Variants in CRTAC1 observed in about 807,000 individuals in gnomAD.
CRTAC1 encodes the protein cartilage acidic protein 1.
In CRTAC1, 37 loss-of-function variants were observed where a neutral mutation model predicts 67.8. That is an observed-to-expected ratio of 0.55 (90% CI 0.42 to 0.72). The LOEUF is 0.72. Among genes scored for constraint, CRTAC1 ranks in the 30% least tolerant of loss-of-function variants. CRTAC1 has a pLI of 0.00. For synonymous variants in CRTAC1, 348 were observed against 371.0 expected (o/e 0.94, Z 0.71); for missense variants, 780 against 931.6 (o/e 0.84, Z 2.12).
intron 3 of CRTAC1, among the ~76,000 whole-genome samples, chr10:97,934,245 T>C (rs767415895): frequency 1.4e-4 from 22 of 152,256 alleles, no homozygotes; most frequent in Non-Finnish European, 2.2e-4. Flanking sequence ...GTTAAAGAGT[T>C]GATCAGCCCA....
At chr10:97,878,109 C>G (rs2050167814) in intron 14 of CRTAC1, among the ~76,000 whole-genome samples, 1 of 152,214 alleles carries the variant, frequency 6.6e-6, no homozygotes, top group Admixed American at 6.5e-5. Context: ...GCCTGTTACC[C>G]TCTGACAAGA....
At chr10:97,987,015 G>C (rs2051993108) in intron 2 of CRTAC1, among the ~76,000 whole-genome samples, 2 of 152,098 alleles carry the variant, frequency 1.3e-5, no homozygotes, top group South Asian at 4.2e-4. Context: ...GAGAGGGCTG[G>C]GTCACTTCCA....
At chr10:97,874,150 C>A (rs144590494) in intron 14 of CRTAC1, among the ~76,000 whole-genome samples, 2 of 152,178 alleles carry the variant, frequency 1.3e-5, no homozygotes, top group East Asian at 3.8e-4. Flanking sequence ...AAGGACCAGA[C>A]GGGGGTGCAG....
chr10:98,008,366 C>T (rs572691501), intron 2 of CRTAC1, among the ~76,000 whole-genome samples: 283 of 151,328 alleles, frequency 1.9e-3, no homozygotes, highest in Non-Finnish European at 2.3e-3. Flanking sequence ...CTTGGCCCTT[C>T]GCACCCTTTC....
chr10:97,900,198 G>A (rs1046194142), intron 8 of CRTAC1, among the ~76,000 whole-genome samples: 9 of 152,194 alleles, frequency 5.9e-5, no homozygotes, highest in African/African-American at 2.2e-4. Context: ...ACACTGCTCA[G>A]AGGCCTGCAC....
chr10:97,950,672 G>C (rs771652640), intron 2 of CRTAC1, among the ~76,000 whole-genome samples: 1 of 152,228 alleles, frequency 6.6e-6, no homozygotes, highest in South Asian at 2.1e-4. Flanking sequence ...GTGAGCTCTT[G>C]CTGGTCACCG....
At chr10:98,024,833 G>A (rs1192295930) in intron 1 of CRTAC1, among the ~76,000 whole-genome samples, 1 of 137,608 alleles carries the variant, frequency 7.3e-6, no homozygotes. Context: ...TCATAGAGAG[G>A]CATGGGGGTG....
intron 2 of CRTAC1, among the ~76,000 whole-genome samples, chr10:98,005,100 A>ATATATTTTTTTTTTTTTT: frequency 1.8e-4 from 9 of 48,882 alleles, no homozygotes; most frequent in Admixed American, 5.4e-4. Flanking sequence ...ATATATATAT[A>ATATATTTTTTTTTTTTTT]TTTTTTTTTT....
At chr10:97,954,156 T>C (rs1371616509) in intron 2 of CRTAC1, among the ~76,000 whole-genome samples, 1 of 152,102 alleles carries the variant, frequency 6.6e-6, no homozygotes, top group Non-Finnish European at 1.5e-5. Context: ...ACATTCCTAC[T>C]AACTTGGCTC....
intron 14 of CRTAC1, among the ~76,000 whole-genome samples, chr10:97,874,345 C>T (rs758712773): frequency 6.6e-6 from 1 of 152,220 alleles, no homozygotes; most frequent in Non-Finnish European, 1.5e-5. Context: ...ATGGCCCAGT[C>T]CATGCCATGC....
chr10:97,969,893 T>G (rs1224672714), intron 2 of CRTAC1, among the ~76,000 whole-genome samples: 2 of 152,196 alleles, frequency 1.3e-5, no homozygotes, highest in Non-Finnish European at 2.9e-5. Flanking sequence ...AAATACCATC[T>G]ACCCGCTGAC....
At chr10:97,910,902 G>A (rs2050680882) in intron 5 of CRTAC1, among the ~76,000 whole-genome samples, 1 of 152,214 alleles carries the variant, frequency 6.6e-6, no homozygotes, top group African/African-American at 2.4e-5. Context: ...GAGAGCCCAA[G>A]CCGCATGAAA....
chr10:97,884,780 C>T (rs113899286), intron 11 of CRTAC1, among the ~76,000 whole-genome samples: 40 of 152,284 alleles, frequency 2.6e-4, no homozygotes, highest in Non-Finnish European at 4.1e-4. Context: ...GGAGGCTGTA[C>T]TGGAGGATAC....
intron 5 of CRTAC1, among the ~76,000 whole-genome samples, chr10:97,911,850 C>T (rs2058185689): frequency 1.3e-5 from 2 of 152,292 alleles, no homozygotes; most frequent in South Asian, 2.1e-4. Context: ...ACACCAAATT[C>T]GGTCACCCAG....
intron 2 of CRTAC1, among the ~76,000 whole-genome samples, chr10:97,992,303 TGGAAGGAA>T (rs1192152848): frequency 6.6e-6 from 1 of 152,194 alleles, no homozygotes; most frequent in Non-Finnish European, 1.5e-5. Flanking sequence ...TGCTTTAGCT[TGGAAGGAA>T]GGATATGGAC....
At chr10:97,932,160 C>T in intron 3 of CRTAC1, among the ~76,000 whole-genome samples, 1 of 152,162 alleles carries the variant, frequency 6.6e-6, no homozygotes, top group East Asian at 1.9e-4. Flanking sequence ...CGGTCCTTTT[C>T]TCTTTGCTCC....
Position 97,948,167 on chromosome 10 carries a change from A to C in CRTAC1, c.225-11801T>G, listed in dbSNP as rs374475318. ...GATTAGGTTTCTGTTCCTTATAATA[A>C]GTAAATTACCCTTAAGACAAAGTAG... On this transcript the variant is annotated intron_variant, in intron 2 of 14. Transcript: ENST00000370597. Among the ~76,000 whole-genome samples, 25 of 151,932 alleles carry C rather than the reference A, an allele frequency of 1.6e-4. No individual in the cohort carries two copies. The South Asian group carries it at 5.0e-3, about 30-fold the overall frequency.
intron 2 of CRTAC1, among the ~76,000 whole-genome samples, chr10:98,000,299 C>T (rs558177338): frequency 2.6e-5 from 4 of 152,332 alleles, no homozygotes; most frequent in South Asian, 2.1e-4. Context: ...TCTCCTCGAG[C>T]CACGGCTGTG....
At chr10:98,013,802 G>A (rs904084663) in intron 1 of CRTAC1, among the ~76,000 whole-genome samples, 4 of 152,234 alleles carry the variant, frequency 2.6e-5, no homozygotes, top group African/African-American at 9.6e-5. Context: ...AACAAGACAA[G>A]CTTTTCAGCA....
Sources: gnomAD v4.1 joint callset for allele counts (sites outside exome capture counted in the v4.1 genomes callset) on GRCh38, gnomAD v4.1.1 for gene constraint, MANE v1.5 for transcripts, NCBI Gene and HGNC (gene_info 2026-07-23, HGNC 2026-07-21) for gene names.